Variants in AP1G1 observed in about 807,000 individuals in gnomAD.
The protein encoded by AP1G1 is AP-1 complex subunit gamma-1.
Under a neutral mutation model 108.3 loss-of-function variants are expected in AP1G1, and 7 were observed. The ratio of observed to expected loss-of-function variants is 0.06; its 90% CI spans 0.04 to 0.12. The LOEUF is 0.12. Among genes scored for constraint, AP1G1 ranks in the 10% least tolerant of loss-of-function variants. The pLI, the probability that AP1G1 is intolerant of heterozygous loss-of-function variation, is 1.00. For missense variants in AP1G1, 756 were observed against 1,010.7 expected, an observed-to-expected ratio of 0.75 and a Z score of 3.42; for synonymous variants, 379 against 353.5, an observed-to-expected ratio of 1.07 and a Z score of -0.81.
chr16:71,757,856 C>T (rs1301305123), intron 11 of AP1G1, among the ~76,000 whole-genome samples: 1 of 152,058 alleles, frequency 6.6e-6, no homozygotes, highest in Non-Finnish European at 1.5e-5. Flanking sequence ...CAGGACTGCC[C>T]CTTACAAGGA....
chr16:71,769,153 C>T (rs1364952081), intron 6 of AP1G1, among the ~76,000 whole-genome samples: 14 of 151,110 alleles, frequency 9.3e-5, no homozygotes, highest in South Asian at 4.2e-4. Context: ...CATGGTGGCG[C>T]GCACCTGTAA....
intron 2 of AP1G1, among the ~76,000 whole-genome samples, chr16:71,779,770 G>T (rs1207218463): frequency 6.6e-6 from 1 of 151,824 alleles, no homozygotes; most frequent in African/African-American, 2.4e-5. Context: ...TGTTTAATCC[G>T]GTTACCCCTG....
chr16:71,784,962 T>C (rs1291716522), intron 2 of AP1G1, among the ~76,000 whole-genome samples: 1 of 148,942 alleles, frequency 6.7e-6, no homozygotes, highest in Non-Finnish European at 1.5e-5. Flanking sequence ...AGCACCATAC[T>C]AGATACTGTA....
At chr16:71,744,742 ATTG>A (rs2030082024) in intron 19 of AP1G1, among the ~76,000 whole-genome samples, 1 of 151,734 alleles carries the variant, frequency 6.6e-6, no homozygotes, top group African/African-American at 2.4e-5. Flanking sequence ...CACCCGGCTA[ATTG>A]TTGTATTTTT....
chr16:71,759,767 A>G, intron 10 of AP1G1, among the ~76,000 whole-genome samples: 1 of 151,630 alleles, frequency 6.6e-6, no homozygotes, highest in Admixed American at 6.6e-5. Context: ...CTCAAAAAAA[A>G]AAAAAATTAA....
intron 2 of AP1G1, among the ~76,000 whole-genome samples, chr16:71,779,062 A>C (rs1474901280): frequency 6.6e-6 from 1 of 152,194 alleles, no homozygotes; most frequent in Non-Finnish European, 1.5e-5. Context: ...TCCAAATTCC[A>C]CACAATTAAT....
At chr16:71,789,146 A>G (rs2032310930) in intron 2 of AP1G1, 133 bp downstream of exon 2, 3 of 821,536 alleles carry the variant, frequency 3.7e-6, no homozygotes, top group African/African-American at 3.4e-5. Context: ...TGCTCTCTCA[A>G]TCTTACCCTC....
At chr16:71,745,311 T>C in intron 18 of AP1G1, 41 bp from the exon 19 acceptor site, 1 of 1,610,802 alleles carries the variant, frequency 6.2e-7, no homozygotes, top group Non-Finnish European at 8.5e-7. Context: ...ATTATTTGAT[T>C]TGTCTAGTAT....
chr16:71,749,789 C>T, intron 15 of AP1G1, 105 bp downstream of exon 15: 1 of 938,836 alleles, frequency 1.1e-6, no homozygotes, highest in Non-Finnish European at 1.7e-6. Flanking sequence ...CCACGCCTGG[C>T]CTAAAAAGTT....
chr16:71,790,046 AAT>A (rs1487093267), intron 1 of AP1G1, among the ~76,000 whole-genome samples: 7 of 152,324 alleles, frequency 4.6e-5, no homozygotes, highest in African/African-American at 7.2e-5. Context: ...ATGAGAAAAA[AAT>A]AAACTAACCT....
rs112058153 is a variant in AP1G1 at position 71,783,115 on chromosome 16, G to A, written c.201+6164C>T. On this transcript the variant is annotated intron_variant, in intron 2 of 22. Coordinates refer to ENST00000299980, the MANE Select transcript of AP1G1 (RefSeq NM_001128.6). ...AAAAAATTCCTTAATGTGAGAAAGC[G>A]TGTCTACTAAACCCTATGACAGTCA... Among the ~76,000 whole-genome samples the A allele has an allele frequency of 3.7e-3, 556 of 152,202 alleles. 8 individuals are homozygous for A. The highest frequency in any genetic ancestry group is 0.013 in the African/African-American group (523 of 41,536).
chr16:71,763,379 T>TA (rs2031184462), intron 9 of AP1G1, among the ~76,000 whole-genome samples: 1 of 152,198 alleles, frequency 6.6e-6, no homozygotes, highest in African/African-American at 2.4e-5. Context: ...CATGGAGAGT[T>TA]ATTGTTTAAT....
chr16:71,733,587 A>C lies in AP1G1; in HGVS notation c.2368-428T>G, dbSNP rs1191432341. 4.0e-5 allele frequency among the ~76,000 whole-genome samples: 3 copies of C among 74,210 alleles called. No homozygotes were observed. In the Admixed American group the frequency reaches 4.6e-4, roughly 11 times the overall value. The allele number at this position is 74,210 out of a possible 152,430, so 48.7% of individuals were successfully genotyped here. On this transcript the variant is annotated intron_variant, in intron 22 of 22. Coordinates refer to ENST00000299980, the MANE Select transcript of AP1G1 (RefSeq NM_001128.6). Reference sequence around the variant, plus strand: ...CACCATGTTGGCCAGGCTGGTCTTCAACTCCTGACCTCAGATAATACACCC... The same window carrying C: ...CACCATGTTGGCCAGGCTGGTCTTCCACTCCTGACCTCAGATAATACACCC...
rs1019615880 is a variant in AP1G1, at chr16:71,799,886, G to A, written c.-4+8877C>T. Among the ~76,000 whole-genome samples, 13 of 147,146 alleles carry A rather than the reference G, an allele frequency of 8.8e-5. No homozygotes were observed. In the East Asian group the frequency reaches 1.0e-3, roughly 11 times the overall value. ...TGCACTCCAGCCTTCGTGACAGAGC[G>A]AGGTTCCATCTTAAAAATAATAATA... On this transcript the variant is annotated intron_variant, in intron 1 of 22. Coordinates refer to ENST00000299980, the MANE Select transcript of AP1G1 (RefSeq NM_001128.6).
At chr16:71,787,800 T>C (rs1441396617) in intron 2 of AP1G1, among the ~76,000 whole-genome samples, 1 of 152,222 alleles carries the variant, frequency 6.6e-6, no homozygotes, top group Non-Finnish European at 1.5e-5. Context: ...CAGGGTTTCA[T>C]TCCACTCCTA....
chr16:71,748,423 T>C, intron 15 of AP1G1, 45 bp from the exon 16 acceptor site: 8 of 1,591,826 alleles, frequency 5.0e-6, no homozygotes, highest in Non-Finnish European at 6.8e-6. Context: ...ATGAGTAGCA[T>C]GATTAAGCAT....
intron 2 of AP1G1, among the ~76,000 whole-genome samples, chr16:71,787,851 T>C (rs2032263595): frequency 6.6e-6 from 1 of 152,212 alleles, no homozygotes; most frequent in African/African-American, 2.4e-5. Flanking sequence ...TCAAAGAACA[T>C]ATTATATTTT....
chr16:71,782,010 C>T (rs9937511), intron 2 of AP1G1, among the ~76,000 whole-genome samples: 132,038 of 152,214 alleles, frequency 0.87, 57,404 homozygotes, highest in East Asian at 0.99. Flanking sequence ...CAGCAACTGA[C>T]GATCATCATG....
At chr16:71,796,996 CCTGA>C (rs1446841872) in intron 1 of AP1G1, among the ~76,000 whole-genome samples, 3 of 147,288 alleles carry the variant, frequency 2.0e-5, no homozygotes, top group African/African-American at 2.5e-5. Flanking sequence ...ACAGCAAGAC[CCTGA>C]CTCTTAAAAA....
Sources: gnomAD v4.1 joint callset for allele counts (sites outside exome capture counted in the v4.1 genomes callset) on GRCh38, gnomAD v4.1.1 for gene constraint, MANE v1.5 for transcripts, NCBI Gene and HGNC (gene_info 2026-07-23, HGNC 2026-07-21) for gene names.